Variants in SLC6A3 observed in about 807,000 individuals in gnomAD.
SLC6A3 encodes solute carrier family 6 member 3.
A neutral mutation model predicts 70.4 loss-of-function variants in SLC6A3; 19 were observed. The ratio of observed to expected loss-of-function variants is 0.27; its 90% CI spans 0.19 to 0.40. The LOEUF (loss-of-function observed/expected upper bound fraction) is 0.40, where lower values mean the gene tolerates loss of function less well. Ranked by LOEUF, SLC6A3 falls within the 10% of genes least tolerant of loss-of-function variation. SLC6A3 has a pLI of 1.00. For synonymous variants in SLC6A3, 368 were observed against 356.6 expected (o/e 1.03, Z -0.36); for missense variants, 613 against 838.5 (o/e 0.73, Z 3.32).
In SLC6A3 at chr5:1,443,004, T is replaced by C. The variant is rs1196361940; in HGVS notation, c.194A>G (p.Lys65Arg). 1.2e-6 allele frequency: 2 copies of C among 1,614,098 alleles called. No individual in the cohort carries two copies. The highest frequency in any genetic ancestry group is 1.7e-6 in the Non-Finnish European group (2 of 1,180,048). ...GACGGACAGGAGAAAGTCGATCTTC[T>C]TGCCCCAGGTCTCCCGATCCTGGGC... ...VEAQDRETWGKKIDFLLSVIG... is the reference protein window; with the variant it reads ...VEAQDRETWGRKIDFLLSVIG... The change falls in exon 2 of 15, where the codon AAG (lysine) becomes AGG (arginine). Residue 65 changes from lysine to arginine, a missense_variant. Physicochemically the swap from Lys to Arg is conservative, Grantham distance 26. Around this residue, in one of 4 missense-constraint regions of SLC6A3, gnomAD observed 111 missense variants for 91.6 expected, o/e 1.21. Transcript: ENST00000270349.
chr5:1,437,245 G>A lies in SLC6A3; in HGVS notation c.418+4114C>T, dbSNP rs559053029. Among the ~76,000 whole-genome samples, 1 of 133,552 alleles carries A rather than the reference G, an allele frequency of 7.5e-6. No individual in the cohort carries two copies. Among genetic ancestry groups the A allele is most frequent in the Admixed American group, 7.5e-5 (1 of 13,398 alleles). 87.6% of individuals were successfully genotyped at this position (133,552 alleles called of 152,430 possible). Reference sequence around the variant, plus strand: ...CAGCCTGGTGACAGAGCGAGATTCCGTCTCACAAAAAAAAAAAAAAAGAAA... The same window carrying A: ...CAGCCTGGTGACAGAGCGAGATTCCATCTCACAAAAAAAAAAAAAAAGAAA... On this transcript the variant is annotated intron_variant, in intron 3 of 14. Coordinates refer to ENST00000270349, the MANE Select transcript of SLC6A3 (RefSeq NM_001044.5). This position sits in a 1 kb window ranked among gnomAD's most constrained non-coding sequence, Gnocchi z 4.8.
At position 1,402,224 on chromosome 5, in the gene SLC6A3, G is replaced by A. The variant is rs576789903; in HGVS notation, c.1767+698C>T. 2.0e-5 allele frequency among the ~76,000 whole-genome samples: 3 copies of A among 152,100 alleles called. No homozygotes were observed. Among genetic ancestry groups the A allele is most frequent in the East Asian group, 3.9e-4 (2 of 5,150 alleles). On this transcript the variant is annotated intron_variant, in intron 13 of 14. Coordinates refer to ENST00000270349, the MANE Select transcript of SLC6A3 (RefSeq NM_001044.5). This position sits in a 1 kb window ranked among gnomAD's most constrained non-coding sequence, Gnocchi z 8.5. ...CAGTGGTGGGATCTCAGGTGAGGGCGACCCTCTTCCAAGGAGGGAGTGTCC... is the reference window on the plus strand; with the variant it reads ...CAGTGGTGGGATCTCAGGTGAGGGCAACCCTCTTCCAAGGAGGGAGTGTCC...
At chr5:1,412,332 G>A (rs1359807203) in intron 8 of SLC6A3, among the ~76,000 whole-genome samples, 2 of 152,242 alleles carry the variant, frequency 1.3e-5, no homozygotes, top group African/African-American at 4.8e-5. Context: ...GGCCCTGAGG[G>A]CTCAGAGGAG....
Position 1,408,443 on chromosome 5 carries a change from G to A in SLC6A3, c.1498+583C>T, listed in dbSNP as rs769459372. 5.5e-4 allele frequency among the ~76,000 whole-genome samples: 83 copies of A among 152,116 alleles called. No homozygotes were observed. The highest frequency in any genetic ancestry group is 9.0e-4 in the Non-Finnish European group (61 of 68,004). On this transcript the variant is annotated intron_variant, in intron 11 of 14. Transcript: ENST00000270349. The surrounding 1 kb of genome is among the most constrained non-coding windows in gnomAD (Gnocchi z 6.4). Reference sequence around the variant, plus strand: ...GCACTCCTGCCCATTTTACAGAAGAGAGAACTAAGGGGAGTCGAGGTGACT... The same window carrying A: ...GCACTCCTGCCCATTTTACAGAAGAAAGAACTAAGGGGAGTCGAGGTGACT...
At position 1,401,413 on chromosome 5, in the gene SLC6A3, C is replaced by T. The variant is rs1755847326; in HGVS notation, c.1768-427G>A. ...TATTCCGGGAGCACTTGCTTTTTGT[C>T]ACCTGCAGCTCTTGGGAGAGTGAAC... is the stretch of plus-strand genomic sequence containing the variant. On this transcript the variant is annotated intron_variant, in intron 13 of 14. Coordinates refer to ENST00000270349, the MANE Select transcript of SLC6A3 (RefSeq NM_001044.5). The surrounding 1 kb of genome is among the most constrained non-coding windows in gnomAD (Gnocchi z 6.1). 7.6e-6 allele frequency: 3 copies of T among 396,890 alleles called. No homozygotes were observed. In the East Asian group the frequency reaches 2.1e-4, roughly 27 times the overall value. The allele number at this position is 396,890 out of a possible 1,614,324, so 24.6% of individuals were successfully genotyped here. A position where few individuals can be genotyped will look rare whatever the true frequency, so the allele number is the denominator to read the frequency against.
In SLC6A3 at chr5:1,402,865, A is replaced by G; in HGVS notation, c.1767+57T>C. The G allele has an allele frequency of 6.4e-7, 1 of 1,572,564 alleles. No homozygotes were observed. The highest frequency in any genetic ancestry group is 2.3e-5 in the East Asian group (1 of 43,866). Reference sequence around the variant, plus strand: ...GTGAGGACTGGGGCCATGGACACCCACGGAGCCTTTCTGGTGGCCTCACAC... The same window carrying G: ...GTGAGGACTGGGGCCATGGACACCCGCGGAGCCTTTCTGGTGGCCTCACAC... On this transcript the variant is annotated intron_variant, in intron 13 of 14. Transcript: ENST00000270349. This position sits in a 1 kb window ranked among gnomAD's most constrained non-coding sequence, Gnocchi z 8.5.
At chr5:1,428,315 T>C (rs1213932379) in intron 4 of SLC6A3, among the ~76,000 whole-genome samples, 2 of 152,222 alleles carry the variant, frequency 1.3e-5, no homozygotes, top group Non-Finnish European at 2.9e-5. Context: ...AAACACAGCA[T>C]ATCAAACTTT....
chr5:1,442,778 C>T lies in SLC6A3; in HGVS notation c.286+134G>A, dbSNP rs564219448. On this transcript the variant is annotated intron_variant, in intron 2 of 14. Coordinates refer to ENST00000270349, the MANE Select transcript of SLC6A3 (RefSeq NM_001044.5). The surrounding 1 kb of genome is among the most constrained non-coding windows in gnomAD (Gnocchi z 5.0). ...ATCCTCTGGGAGGATCTGCACCGGC[C>T]GTGAGCTCTCACAGGGAGCTCCGTC... 4.3e-5 allele frequency: 38 copies of T among 888,830 alleles called. No homozygotes were observed. The highest frequency in any genetic ancestry group is 5.9e-5 in the Non-Finnish European group (32 of 539,846). 55.1% of individuals were successfully genotyped at this position (888,830 alleles called of 1,614,324 possible).
At chr5:1,435,178 C>T (rs928124029) in intron 3 of SLC6A3, among the ~76,000 whole-genome samples, 23 of 152,288 alleles carry the variant, frequency 1.5e-4, no homozygotes, top group Non-Finnish European at 3.2e-4. Context: ...TCTATATTAC[C>T]GTCTGTCCGG....
At chr5:1,441,332 G>A in intron 3 of SLC6A3, 27 bp downstream of exon 3, 1 of 1,613,902 alleles carries the variant, frequency 6.2e-7, no homozygotes, top group Non-Finnish European at 8.5e-7. Context: ...CGCTGCGCCA[G>A]GGTGAAGGGA....
At chr5:1,432,355 C>T (rs1483114348) in intron 4 of SLC6A3, 109 bp downstream of exon 4, 1 of 787,086 alleles carries the variant, frequency 1.3e-6, no homozygotes. Context: ...ACAGATTCCC[C>T]CTCCCCGCAC....
intron 4 of SLC6A3, among the ~76,000 whole-genome samples, chr5:1,426,391 T>C (rs1208614168): frequency 6.6e-6 from 1 of 151,956 alleles, no homozygotes; most frequent in Admixed American, 6.6e-5. Context: ...TTTTAAAAAA[T>C]TAGCTGGATG....
At position 1,421,983 on chromosome 5, in the gene SLC6A3, CA is replaced by C. The variant is rs2126371096; in HGVS notation, c.684del (p.His228GlnfsTer32). Reference protein sequence around the residue: ...ERGVLHLHQSHGIDDLGPPRW... With the variant: ...ERGVLHLHQSXGIDDLGPPRW... ...CGCGGAGGCCCCAGGTCGTCGATGC[CA>C]TGGCTCTGGTGGAGGTGCAGCACGC... On this transcript the variant is annotated frameshift_variant, in exon 5 of 15. Coordinates refer to ENST00000270349, the MANE Select transcript of SLC6A3 (RefSeq NM_001044.5). LOFTEE classifies it high-confidence loss of function. This position sits in a 1 kb window ranked among gnomAD's most constrained non-coding sequence, Gnocchi z 7.2. 6.2e-7 allele frequency: 1 copy of C among 1,612,836 alleles called. No individual in the cohort carries two copies. The highest frequency in any genetic ancestry group is 8.5e-7 in the Non-Finnish European group (1 of 1,180,020).
At chr5:1,432,784 G>A (rs528832788) in intron 3 of SLC6A3, 86 bp from the exon 4 acceptor site, 2 of 901,600 alleles carry the variant, frequency 2.2e-6, no homozygotes, top group Non-Finnish European at 1.8e-6. Flanking sequence ...CTCCCCTCAC[G>A]GGAGACATTA....
intron 14 of SLC6A3, among the ~76,000 whole-genome samples, chr5:1,399,102 C>T (rs1447968990): frequency 1.3e-5 from 2 of 152,060 alleles, no homozygotes; most frequent in African/African-American, 4.8e-5. Flanking sequence ...AAAGAAGTCT[C>T]AATACATTTT....
intron 8 of SLC6A3, among the ~76,000 whole-genome samples, chr5:1,412,658 T>C (rs1208557469): frequency 6.6e-6 from 1 of 152,176 alleles, no homozygotes; most frequent in Non-Finnish European, 1.5e-5. Context: ...TCAGAAGCCT[T>C]GCATCCTCCA....
chr5:1,417,582 G>A (rs1756336087), intron 6 of SLC6A3, among the ~76,000 whole-genome samples: 1 of 152,250 alleles, frequency 6.6e-6, no homozygotes, highest in South Asian at 2.1e-4. Context: ...GGAAAGGTGG[G>A]TGGGTCCACG....
chr5:1,425,785 A>G (rs1279041414), intron 4 of SLC6A3, among the ~76,000 whole-genome samples: 1 of 152,226 alleles, frequency 6.6e-6, no homozygotes, highest in Non-Finnish European at 1.5e-5. Context: ...AATAATATCT[A>G]AAATATGTAA....
At position 1,394,680 on chromosome 5, in the gene SLC6A3, G is replaced by A; in HGVS notation, c.*55C>T. The A allele has an allele frequency of 6.4e-7, 1 of 1,564,358 alleles. No homozygotes were observed. Among genetic ancestry groups the A allele is most frequent in the Non-Finnish European group, 8.8e-7 (1 of 1,134,684 alleles). The stretch of plus-strand genomic sequence containing the variant: ...CTCGAAACTTAGATTTCCTTGGTTT[G>A]TTCGTGTCTCTCCCATTGCAGGATG... On this transcript the variant is annotated 3_prime_UTR_variant, in exon 15 of 15. Transcript: ENST00000270349. The surrounding 1 kb of genome is among the most constrained non-coding windows in gnomAD (Gnocchi z 4.7).
Sources: gnomAD v4.1 joint callset for allele counts (sites outside exome capture counted in the v4.1 genomes callset) on GRCh38, gnomAD v4.1.1 for gene constraint, gnomAD v4.1.1 regional missense constraint, Gnocchi (gnomAD v3.1) non-coding constraint, MANE v1.5 for transcripts, NCBI Gene and HGNC (gene_info 2026-07-23, HGNC 2026-07-21) for gene names.